The following CA10 variants were observed in gnomAD, a reference collection of about 807,000 sequenced individuals.
CA10 encodes carbonic anhydrase 10 (inactive).
CA10 carries 14 observed loss-of-function variants against 44.2 expected under a neutral mutation model. That is an observed-to-expected ratio of 0.32 (90% CI 0.21 to 0.50). The LOEUF is 0.50. CA10 is among the 20% of genes least tolerant of loss of function. CA10 has a pLI of 0.99. For missense variants in CA10, 350 were observed against 409.7 expected (o/e 0.85, Z 1.26); for synonymous variants, 159 against 141.6 (o/e 1.12, Z -0.87).
intron 3 of CA10, among the ~76,000 whole-genome samples, chr17:51,889,130 G>T (rs1980742743): frequency 6.6e-6 from 1 of 152,164 alleles, no homozygotes; most frequent in African/African-American, 2.4e-5. Context: ...CATTTCAAGA[G>T]ACCCAGGTGG....
intron 3 of CA10, among the ~76,000 whole-genome samples, chr17:51,886,544 A>T (rs1311109419): frequency 6.6e-6 from 1 of 152,216 alleles, no homozygotes; most frequent in Non-Finnish European, 1.5e-5. Context: ...CATTAAGGAA[A>T]TCCATCCCTA....
intron 3 of CA10, among the ~76,000 whole-genome samples, chr17:51,880,528 C>T (rs369504941): frequency 4.6e-5 from 7 of 152,086 alleles, no homozygotes; most frequent in South Asian, 2.1e-4. Context: ...TCTTGAACTC[C>T]TGGGCTCAAG....
At position 51,681,510 on chromosome 17, in the gene CA10, A is replaced by C. The variant is rs1478730419; in HGVS notation, c.466-27774T>G. ...CTTTGTTGTGGGGGCTACCTTGTAC[A>C]TTGTAGGATGTCTAGTAGTATCCCT... On this transcript the variant is annotated intron_variant, in intron 4 of 8. Coordinates refer to ENST00000451037, the MANE Select transcript of CA10 (RefSeq NM_020178.5). Among the ~76,000 whole-genome samples, 3 of 152,120 alleles carry C rather than the reference A, an allele frequency of 2.0e-5. No homozygotes were observed. In the East Asian group the frequency reaches 5.8e-4, roughly 29 times the overall value.
chr17:52,071,987 G>A (rs1461958868), intron 2 of CA10, among the ~76,000 whole-genome samples: 1 of 152,146 alleles, frequency 6.6e-6, no homozygotes, highest in Admixed American at 6.5e-5. Flanking sequence ...CATTGCCATG[G>A]TCAGTCTTTT....
intron 4 of CA10, among the ~76,000 whole-genome samples, chr17:51,715,234 G>C (rs1916064785): frequency 6.6e-6 from 1 of 151,928 alleles, no homozygotes; most frequent in Non-Finnish European, 1.5e-5. Flanking sequence ...GGGGTGGAGG[G>C]AGGGATAGCA....
chr17:51,653,248 T>G (rs1271131127), intron 5 of CA10, among the ~76,000 whole-genome samples: 1 of 152,184 alleles, frequency 6.6e-6, no homozygotes, highest in Non-Finnish European at 1.5e-5. Flanking sequence ...CTTCTTCCTA[T>G]GTTTACAAGG....
At chr17:51,740,506 A>G (rs539373629) in intron 4 of CA10, among the ~76,000 whole-genome samples, 11 of 152,330 alleles carry the variant, frequency 7.2e-5, no homozygotes, top group Admixed American at 2.6e-4. Context: ...TGTTTCCCCA[A>G]GAAGGTGGTA....
At chr17:51,632,694 C>T (rs1467900146) in intron 8 of CA10, among the ~76,000 whole-genome samples, 4 of 152,076 alleles carry the variant, frequency 2.6e-5, no homozygotes, top group Admixed American at 2.6e-4. Flanking sequence ...AGAACTAGGC[C>T]CAGAACTTGG....
At chr17:51,674,121 G>T (rs775564341) in intron 4 of CA10, among the ~76,000 whole-genome samples, 3 of 152,228 alleles carry the variant, frequency 2.0e-5, no homozygotes, top group Admixed American at 6.5e-5. Flanking sequence ...ATATTGCAAT[G>T]ATTTGTGTAC....
intron 2 of CA10, among the ~76,000 whole-genome samples, chr17:51,979,323 T>C (rs2144084201): frequency 6.6e-6 from 1 of 152,248 alleles, no homozygotes; most frequent in South Asian, 2.1e-4. Context: ...AAAATAAACA[T>C]CTTAATATTT....
chr17:51,633,466 C>A lies in CA10; in HGVS notation c.964+10G>T, dbSNP rs759664441. On this transcript the variant is annotated intron_variant, in intron 8 of 8. Coordinates refer to ENST00000451037, the MANE Select transcript of CA10 (RefSeq NM_020178.5). The stretch of plus-strand genomic sequence containing the variant: ...CCTAGATCCTCCACTCTCTGAGCCA[C>A]CAAACCCACCTCTATACTGAAGCTT... 1.2e-6 allele frequency: 2 copies of A among 1,609,196 alleles called. No homozygotes were observed. Among genetic ancestry groups the A allele is most frequent in the African/African-American group, 2.7e-5 (2 of 74,874 alleles).
intron 4 of CA10, among the ~76,000 whole-genome samples, chr17:51,705,365 C>G (rs990081850): frequency 6.6e-6 from 1 of 152,286 alleles, no homozygotes; most frequent in Middle Eastern, 3.4e-3. Flanking sequence ...AACCCCAACC[C>G]TGAACCATAG....
chr17:51,887,499 A>C (rs748563408), intron 3 of CA10, among the ~76,000 whole-genome samples: 4 of 152,208 alleles, frequency 2.6e-5, no homozygotes, highest in Admixed American at 1.3e-4. Flanking sequence ...TATTATGGGA[A>C]CAGCAAAGTC....
intron 2 of CA10, among the ~76,000 whole-genome samples, chr17:52,047,955 C>T (rs914100716): frequency 6.6e-6 from 1 of 150,670 alleles, no homozygotes; most frequent in Non-Finnish European, 1.5e-5. Flanking sequence ...TTCATTTGGT[C>T]TTATTTAGAT....
intron 3 of CA10, among the ~76,000 whole-genome samples, chr17:51,875,614 T>C (rs1483931835): frequency 6.6e-6 from 1 of 152,210 alleles, no homozygotes; most frequent in Non-Finnish European, 1.5e-5. Context: ...CTCTCAGCCC[T>C]GTTCTTTTGT....
intron 3 of CA10, among the ~76,000 whole-genome samples, chr17:51,925,050 CTCTT>C (rs1982370853): frequency 1.3e-5 from 2 of 152,022 alleles, no homozygotes; most frequent in East Asian, 3.9e-4. Flanking sequence ...TTGCTTCTCT[CTCTT>C]TCTCTGTCTC....
intron 6 of CA10, among the ~76,000 whole-genome samples, chr17:51,646,304 C>T (rs1337839737): frequency 6.6e-6 from 1 of 152,108 alleles, no homozygotes; most frequent in African/African-American, 2.4e-5. Context: ...AAGCATAGAC[C>T]TTGGTGTGTG....
chr17:52,000,161 T>C lies in CA10; in HGVS notation c.137-69029A>G, dbSNP rs1023503674. ...GCTGTTGTGAAGGTAAGAATCACTA[T>C]TGGGAATTATATCTTGGACTTCATG... On this transcript the variant is annotated intron_variant, in intron 2 of 8. Transcript: ENST00000451037. Among the ~76,000 whole-genome samples the C allele has an allele frequency of 3.9e-5, 6 of 152,170 alleles. No individual in the cohort carries two copies. The East Asian group carries it at 5.8e-4, about 15-fold the overall frequency.
At chr17:52,136,834 C>T (rs142955858) in intron 1 of CA10, among the ~76,000 whole-genome samples, 2 of 152,022 alleles carry the variant, frequency 1.3e-5, no homozygotes, top group African/African-American at 2.4e-5. Flanking sequence ...TTGTGAGACA[C>T]GATTTTGAAA....
Sources: gnomAD v4.1 joint callset for allele counts (sites outside exome capture counted in the v4.1 genomes callset) on GRCh38, gnomAD v4.1.1 for gene constraint, MANE v1.5 for transcripts, NCBI Gene and HGNC (gene_info 2026-07-23, HGNC 2026-07-21) for gene names.